EYA2: variants seen among roughly 807,000 people sequenced by gnomAD.
EYA2 encodes EYA transcriptional coactivator and phosphatase 2.
A neutral mutation model predicts 69.2 loss-of-function variants in EYA2; 31 were observed. That is an observed-to-expected ratio of 0.45 (90% confidence interval 0.34 to 0.60). The LOEUF (loss-of-function observed/expected upper bound fraction) is 0.60. Among genes scored for constraint, EYA2 ranks in the 20% least tolerant of loss-of-function variants. EYA2 has a pLI of 0.02. For synonymous variants in EYA2, 257 were observed against 279.4 expected, an observed-to-expected ratio of 0.92 and a Z score of 0.80; for missense variants, 622 against 701.2, an observed-to-expected ratio of 0.89 and a Z score of 1.28.
chr20:46,955,331 A>G (rs576194678), intron 1 of EYA2, among the ~76,000 whole-genome samples: 1 of 152,264 alleles, frequency 6.6e-6, no homozygotes, highest in African/African-American at 2.4e-5. Flanking sequence ...ATGAGCACCT[A>G]CTGTGTGTCA....
chr20:46,939,936 A>G (rs1163215719), intron 1 of EYA2, among the ~76,000 whole-genome samples: 3 of 152,340 alleles, frequency 2.0e-5, no homozygotes, highest in Non-Finnish European at 4.4e-5. Context: ...GGAGAGTAAA[A>G]TAAGATAGGG....
intron 14 of EYA2, among the ~76,000 whole-genome samples, chr20:47,181,289 C>T (rs536392149): frequency 6.6e-6 from 1 of 152,272 alleles, no homozygotes; most frequent in African/African-American, 2.4e-5. Context: ...TGACCCTGTC[C>T]TCAGAGACAT....
intron 1 of EYA2, among the ~76,000 whole-genome samples, chr20:46,936,636 T>C (rs1985920849): frequency 6.6e-6 from 1 of 152,166 alleles, no homozygotes; most frequent in African/African-American, 2.4e-5. Context: ...AACACGTGGT[T>C]ATTAAATATT....
At chr20:46,912,894 G>T (rs1600537812) in intron 1 of EYA2, among the ~76,000 whole-genome samples, 1 of 151,424 alleles carries the variant, frequency 6.6e-6, no homozygotes, top group South Asian at 2.1e-4. Context: ...TAGAGACGGG[G>T]TTTCACCTTG....
At chr20:46,971,227 G>A (rs55853355) in intron 1 of EYA2, among the ~76,000 whole-genome samples, 4,838 of 152,226 alleles carry the variant, frequency 0.032, 162 homozygotes, top group African/African-American at 0.083. Context: ...AAATAACAGT[G>A]GCATAAATAA....
intron 7 of EYA2, among the ~76,000 whole-genome samples, chr20:47,077,896 A>G (rs2031573355): frequency 6.6e-6 from 1 of 152,366 alleles, no homozygotes; most frequent in Admixed American, 6.5e-5. Context: ...TCTCATTTCA[A>G]CAAAGGAGAT....
In EYA2 at chr20:47,107,450, C is replaced by A. The variant is rs191724203; in HGVS notation, c.888+10282C>A. Reference sequence around the variant, plus strand: ...TTGAGGCATGAGAGTTACTTAAACCCAGGTGGCAGAGGTTGCAGTGAGCCT... The same window carrying A: ...TTGAGGCATGAGAGTTACTTAAACCAAGGTGGCAGAGGTTGCAGTGAGCCT... On this transcript the variant is annotated intron_variant, in intron 9 of 15. Coordinates refer to ENST00000327619, the MANE Select transcript of EYA2 (RefSeq NM_005244.5). Among the ~76,000 whole-genome samples the A allele has an allele frequency of 1.4e-3, 212 of 149,612 alleles. 5 individuals are homozygous for A. Among genetic ancestry groups the A allele is most frequent in the Non-Finnish European group, 1.2e-4 (8 of 67,740 alleles).
intron 7 of EYA2, among the ~76,000 whole-genome samples, chr20:47,081,453 C>T (rs555122866): frequency 1.3e-5 from 2 of 151,980 alleles, no homozygotes; most frequent in East Asian, 3.9e-4. Context: ...GTTAACAAAT[C>T]ATCATCATCA....
In EYA2 at chr20:47,066,613, C is replaced by T. The variant is rs546334600; in HGVS notation, c.416-5572C>T. ...CATTCCATGGAGAAAGAGAAGCTGC[C>T]ACTGCCCTTCAAAATTTACTCCTAT... On this transcript the variant is annotated intron_variant, in intron 5 of 15. Coordinates refer to ENST00000327619, the MANE Select transcript of EYA2 (RefSeq NM_005244.5). Among the ~76,000 whole-genome samples, 5 of 152,260 alleles carry T rather than the reference C, an allele frequency of 3.3e-5. No homozygotes were observed. In the East Asian group the frequency reaches 9.7e-4, roughly 29 times the overall value.
intron 9 of EYA2, among the ~76,000 whole-genome samples, chr20:47,135,422 T>A (rs2033440240): frequency 6.6e-6 from 1 of 152,038 alleles, no homozygotes; most frequent in African/African-American, 2.4e-5. Context: ...CTTCTTCACC[T>A]GTACAACAAA....
intron 10 of EYA2, among the ~76,000 whole-genome samples, chr20:47,149,697 A>T (rs1246659341): frequency 1.3e-5 from 2 of 148,846 alleles, no homozygotes; most frequent in Non-Finnish European, 3.0e-5. Flanking sequence ...ACAAAAAAAA[A>T]AAAAAAAAAA....
chr20:47,055,024 G>A (rs758682595), intron 5 of EYA2, among the ~76,000 whole-genome samples: 3 of 152,106 alleles, frequency 2.0e-5, no homozygotes, highest in Admixed American at 6.5e-5. Context: ...TCGTGGTGGC[G>A]AAGAGGCTGC....
intron 7 of EYA2, among the ~76,000 whole-genome samples, chr20:47,088,361 G>A (rs924153247): frequency 6.6e-6 from 1 of 152,220 alleles, no homozygotes; most frequent in Non-Finnish European, 1.5e-5. Flanking sequence ...TTCTAAAGGT[G>A]GAAGAGTGTA....
chr20:47,081,630 T>G (rs909797984), intron 7 of EYA2, among the ~76,000 whole-genome samples: 2 of 151,308 alleles, frequency 1.3e-5, no homozygotes, highest in Admixed American at 1.3e-4. Context: ...AATACAAAAA[T>G]TAGCCAGGCG....
At chr20:47,123,140 T>C (rs1388852064) in intron 9 of EYA2, among the ~76,000 whole-genome samples, 1 of 152,160 alleles carries the variant, frequency 6.6e-6, no homozygotes, top group Non-Finnish European at 1.5e-5. Context: ...GTAAAGAGTT[T>C]TTGTAGATAA....
At chr20:46,897,870 G>C (rs1983890639) in intron 1 of EYA2, among the ~76,000 whole-genome samples, 2 of 152,176 alleles carry the variant, frequency 1.3e-5, no homozygotes, top group African/African-American at 4.8e-5. Context: ...TTCATACAAA[G>C]ATGCTTGGGG....
At chr20:46,991,696 G>A (rs1333426151) in intron 2 of EYA2, among the ~76,000 whole-genome samples, 2 of 152,158 alleles carry the variant, frequency 1.3e-5, no homozygotes, top group Admixed American at 6.6e-5. Flanking sequence ...CTGGCTGGGA[G>A]CGGTGGCTCA....
At chr20:46,979,614 C>G (rs1037727688) in intron 1 of EYA2, 5 of 152,106 alleles carry the variant, frequency 3.3e-5, no homozygotes, top group Admixed American at 3.3e-4. Context: ...AGAGAATAAG[C>G]TGGTCTCCAA....
chr20:47,014,754 A>G (rs937127745), intron 4 of EYA2, among the ~76,000 whole-genome samples: 1 of 151,650 alleles, frequency 6.6e-6, no homozygotes, highest in African/African-American at 2.4e-5. Context: ...CTGCATGTAT[A>G]TATGTGTGTA....
Sources: gnomAD v4.1 joint callset for allele counts (sites outside exome capture counted in the v4.1 genomes callset) on GRCh38, gnomAD v4.1.1 for gene constraint, MANE v1.5 for transcripts, NCBI Gene and HGNC (gene_info 2026-07-23, HGNC 2026-07-21) for gene names.